The following PTK2 variants were observed in gnomAD, a reference collection of about 807,000 sequenced individuals.
The protein encoded by PTK2 is focal adhesion kinase 1.
PTK2 carries 45 observed loss-of-function variants against 150.1 expected under a neutral mutation model. That is an observed-to-expected ratio of 0.30 (90% CI 0.24 to 0.38). The LOEUF (loss-of-function observed/expected upper bound fraction) is 0.38. Ranked by LOEUF, PTK2 falls within the 10% of genes least tolerant of loss-of-function variation. PTK2 has a pLI of 1.00. For missense variants in PTK2, 919 were observed against 1,307.3 expected (o/e 0.70, Z 4.58); for synonymous variants, 432 against 449.2 (o/e 0.96, Z 0.48).
chr8:140,798,236 T>G (rs2100092857), intron 12 of PTK2, among the ~76,000 whole-genome samples: 1 of 152,182 alleles, frequency 6.6e-6, no homozygotes, highest in African/African-American at 2.4e-5. Context: ...TTAAAAAATG[T>G]ACATGTGCTG....
At chr8:140,751,302 G>A (rs2100062509) in intron 17 of PTK2, among the ~76,000 whole-genome samples, 1 of 152,152 alleles carries the variant, frequency 6.6e-6, no homozygotes, top group African/African-American at 2.4e-5. Context: ...CTAAGTAGCA[G>A]GGACTACAGG....
intron 10 of PTK2, among the ~76,000 whole-genome samples, chr8:140,815,699 A>C (rs984730628): frequency 6.6e-6 from 1 of 152,144 alleles, no homozygotes; most frequent in African/African-American, 2.4e-5. Flanking sequence ...AATTCTACAA[A>C]TATAACTCAA....
At chr8:140,809,791 G>T (rs920804969) in intron 10 of PTK2, among the ~76,000 whole-genome samples, 2 of 152,204 alleles carry the variant, frequency 1.3e-5, no homozygotes, top group Non-Finnish European at 2.9e-5. Context: ...GGGTGACAGG[G>T]TGAGACCGTG....
In PTK2 at chr8:140,882,465, G is replaced by A. The variant is rs1025917066; in HGVS notation, c.196-2828C>T. Among the ~76,000 whole-genome samples, 30 of 152,142 alleles carry A rather than the reference G, an allele frequency of 2.0e-4. 1 individual carries two copies. The highest frequency in any genetic ancestry group is 6.5e-4 in the African/African-American group (27 of 41,424). ...AATTTAAATTTCTCATCGTGACTTT[G>A]AAGACACATCTATCTGGTCCTATGA... On this transcript the variant is annotated intron_variant, in intron 3 of 31. Coordinates refer to ENST00000522684, the Ensembl canonical transcript of PTK2.
rs556208249 is a variant in PTK2 at position 140,969,423 on chromosome 8, T to TA, written c.-122+31701dup. ...TTGCTATCACTAATTATCTTCCCTT[T>TA]ATCTCACCTCTCCACCAGAACTTCT... On this transcript the variant is annotated intron_variant, in intron 1 of 31. Coordinates refer to ENST00000522684, the Ensembl canonical transcript of PTK2. Among the ~76,000 whole-genome samples the TA allele has an allele frequency of 2.1e-3, 315 of 152,340 alleles. 3 individuals are homozygous for TA. The highest frequency in any genetic ancestry group is 7.3e-3 in the African/African-American group (304 of 41,584).
rs559841316 is a variant in PTK2, at chr8:140,930,340, GATAA to G, written c.-121-4595_-121-4592del. The stretch of plus-strand genomic sequence containing the variant: ...CAGTCCTAAATTGCAAGGATTTCAA[GATAA>G]ATAGATACTTTAAAACTCCTTTATC... On this transcript the variant is annotated intron_variant, in intron 1 of 31. Transcript: ENST00000522684. Among the ~76,000 whole-genome samples, 6 of 152,260 alleles carry G rather than the reference GATAA, an allele frequency of 3.9e-5. No individual in the cohort carries two copies. In the South Asian group the frequency reaches 6.2e-4, roughly 16 times the overall value.
At chr8:140,921,327 T>A (rs1035796087) in intron 2 of PTK2, 4 of 185,186 alleles carry the variant, frequency 2.2e-5, no homozygotes, top group Non-Finnish European at 4.5e-5. Context: ...GTTCAATTCA[T>A]CCAGCAGTCT....
chr8:140,944,595 CAT>C (rs754080086), intron 1 of PTK2, among the ~76,000 whole-genome samples: 1 of 152,226 alleles, frequency 6.6e-6, no homozygotes, highest in African/African-American at 2.4e-5. Flanking sequence ...ATGACTGACA[CAT>C]GACAGCGATT....
chr8:140,735,502 T>C lies in PTK2; in HGVS notation c.1826-47A>G, dbSNP rs369247440. The C allele has an allele frequency of 2.0e-5, 32 of 1,580,664 alleles. 1 individual carries two copies. The highest frequency in any genetic ancestry group is 8.4e-5 in the Admixed American group (5 of 59,870). On this transcript the variant is annotated intron_variant, in intron 21 of 31. Coordinates refer to ENST00000522684, the Ensembl canonical transcript of PTK2. ...ACAACAGTGAGCTCAGTATGAAGAA[T>C]GTAACTCCCAGGTTCCAGGAACATT...
At chr8:140,716,051 CTAAA>C (rs111308854) in intron 23 of PTK2, among the ~76,000 whole-genome samples, 156 of 152,248 alleles carry the variant, frequency 1.0e-3, no homozygotes, top group African/African-American at 3.5e-3. Flanking sequence ...CTTCTGTGTA[CTAAA>C]TAAAGTGCTG....
exon 3 of PTK2, chr8:140,890,594 C>T: frequency 6.2e-7 from 1 of 1,614,106 alleles, no homozygotes; most frequent in Non-Finnish European, 8.5e-7. Flanking sequence ...AGGTGGTTGG[C>T]TCACTATTGC....
At chr8:140,964,378 A>C (rs1359751849) in intron 1 of PTK2, among the ~76,000 whole-genome samples, 3 of 150,740 alleles carry the variant, frequency 2.0e-5, no homozygotes, top group African/African-American at 7.3e-5. Context: ...GCGCCAGCTA[A>C]TTTCTTTTTT....
At chr8:140,774,398 ACACT>A (rs764022656) in intron 14 of PTK2, among the ~76,000 whole-genome samples, 6 of 152,196 alleles carry the variant, frequency 3.9e-5, no homozygotes, top group Non-Finnish European at 8.8e-5. Flanking sequence ...GGCTAAGGAA[ACACT>A]CACCACCAAC....
chr8:140,762,522 T>C, intron 15 of PTK2, 134 bp from the exon 18 acceptor site: 1 of 311,322 alleles, frequency 3.2e-6, no homozygotes, highest in Non-Finnish European at 4.8e-6. Context: ...AGCACAAATA[T>C]GAATTTTAAA....
chr8:140,865,394 T>A (rs890634414), intron 4 of PTK2, among the ~76,000 whole-genome samples: 2 of 152,226 alleles, frequency 1.3e-5, no homozygotes, highest in Non-Finnish European at 2.9e-5. Flanking sequence ...GTTTTCCGAC[T>A]AAATGGTCTA....
chr8:140,764,459 A>G (rs1162293506), intron 14 of PTK2, 169 bp from the exon 17 acceptor site: 2 of 600,700 alleles, frequency 3.3e-6, no homozygotes, highest in Admixed American at 6.0e-5. Flanking sequence ...TATGGAAATA[A>G]AAGTGACATC....
chr8:140,803,769 T>C, intron 10 of PTK2, 119 bp from the exon 11 acceptor site: 1 of 914,150 alleles, frequency 1.1e-6, no homozygotes, highest in Non-Finnish European at 1.7e-6. Context: ...ACTGGAGGTC[T>C]GGGGAAAAAA....
At chr8:140,707,726 T>C (rs1020077912) in intron 23 of PTK2, among the ~76,000 whole-genome samples, 12 of 152,166 alleles carry the variant, frequency 7.9e-5, no homozygotes, top group African/African-American at 2.9e-4. Context: ...TTTCAATGGA[T>C]AAATTGTATG....
At chr8:140,954,546 C>T (rs182619424) in intron 1 of PTK2, among the ~76,000 whole-genome samples, 11 of 151,966 alleles carry the variant, frequency 7.2e-5, no homozygotes, top group African/African-American at 2.4e-4. Flanking sequence ...ATTATACTAC[C>T]TGTCTCAGAA....
Sources: allele counts gnomAD v4.1 joint callset (sites outside exome capture counted in the v4.1 genomes callset), GRCh38; gene constraint gnomAD v4.1.1; transcripts MANE v1.5; gene names NCBI Gene and HGNC (gene_info 2026-07-23, HGNC 2026-07-21).